Variants in KIF26B observed in about 807,000 individuals in gnomAD.
KIF26B encodes the protein kinesin family member 26B.
In KIF26B, 63 loss-of-function variants were observed where a neutral mutation model predicts 151.2. The observed-to-expected ratio is 0.42, with a 90% CI of 0.34 to 0.51. The LOEUF (loss-of-function observed/expected upper bound fraction) is 0.51. KIF26B is among the 20% of genes least tolerant of loss of function. The probability of loss-of-function intolerance (pLI) is 0.07; values close to 1 mark genes in which losing one functional copy is unlikely to be tolerated. For synonymous variants in KIF26B, 1,357 were observed against 1,262.1 expected, an observed-to-expected ratio of 1.08 and a Z score of -1.59; for missense variants, 2,813 against 2,913.6, an observed-to-expected ratio of 0.97 and a Z score of 0.79.
intron 4 of KIF26B, among the ~76,000 whole-genome samples, chr1:245,511,400 TGAA>T (rs1660834853): frequency 6.6e-6 from 1 of 152,162 alleles, no homozygotes; most frequent in African/African-American, 2.4e-5. Flanking sequence ...GGGTAATAAA[TGAA>T]GAAGGTTTCT....
At chr1:245,193,868 A>T (rs548761708) in intron 2 of KIF26B, among the ~76,000 whole-genome samples, 28 of 152,362 alleles carry the variant, frequency 1.8e-4, no homozygotes, top group Admixed American at 5.9e-4. Flanking sequence ...AACAACTGGC[A>T]AATCAATGGC....
At chr1:245,335,658 G>A (rs1005856048) in intron 2 of KIF26B, among the ~76,000 whole-genome samples, 1 of 150,324 alleles carries the variant, frequency 6.7e-6, no homozygotes, top group Non-Finnish European at 1.5e-5. Flanking sequence ...GGGGAAAGGG[G>A]GGTCCCACGC....
intron 4 of KIF26B, among the ~76,000 whole-genome samples, chr1:245,466,070 A>G (rs767042823): frequency 1.6e-4 from 24 of 152,270 alleles, no homozygotes; most frequent in Non-Finnish European, 2.9e-4. Flanking sequence ...CCTGCTGCTC[A>G]GAAAAATGCC....
intron 2 of KIF26B, among the ~76,000 whole-genome samples, chr1:245,336,426 G>A (rs933131290): frequency 6.6e-6 from 1 of 152,234 alleles, no homozygotes; most frequent in African/African-American, 2.4e-5. Context: ...CCGACTGGCG[G>A]CTGCGTGGTG....
chr1:245,184,997 G>C (rs1452743082), intron 2 of KIF26B, among the ~76,000 whole-genome samples: 2 of 152,214 alleles, frequency 1.3e-5, no homozygotes, highest in African/African-American at 2.4e-5. Context: ...GGGGATTCCA[G>C]ATTGGAATCC....
At chr1:245,622,688 G>A (rs1260475887) in intron 9 of KIF26B, among the ~76,000 whole-genome samples, 1 of 152,152 alleles carries the variant, frequency 6.6e-6, no homozygotes, top group East Asian at 1.9e-4. Context: ...GTAGGGAAAG[G>A]CAGAGGGAAG....
chr1:245,685,983 G>A lies in KIF26B; in HGVS notation c.3000G>A (p.Lys1000=). Residue 1000 remains lysine, a synonymous_variant, in exon 12 of 15, where the codon AAG becomes AAA. Transcript: ENST00000407071. Reference sequence around the variant, plus strand: ...AAGGCCCTGAACTCCCAGCCTCCAAGATGCAGAGGAGTCACTCACCTGTGC... The same window carrying A: ...AAGGCCCTGAACTCCCAGCCTCCAAAATGCAGAGGAGTCACTCACCTGTGC... ...NREGPELPAS[K]MQRSHSPVPA... 2.5e-6 allele frequency: 4 copies of A among 1,597,368 alleles called. No homozygotes were observed. The highest frequency in any genetic ancestry group is 3.4e-6 in the Non-Finnish European group (4 of 1,172,506).
intron 5 of KIF26B, among the ~76,000 whole-genome samples, chr1:245,570,921 T>C (rs896087088): frequency 6.6e-6 from 1 of 152,230 alleles, no homozygotes; most frequent in South Asian, 2.1e-4. Flanking sequence ...TCTGATTCTG[T>C]GTTCACATTG....
intron 2 of KIF26B, among the ~76,000 whole-genome samples, chr1:245,270,187 CCTT>C (rs1558369341): frequency 7.9e-6 from 1 of 126,620 alleles, no homozygotes; most frequent in Non-Finnish European, 1.7e-5. Context: ...CCCTTCCATT[CCTT>C]CTTCTTTTCC....
At chr1:245,557,844 T>C (rs1476769801) in intron 5 of KIF26B, among the ~76,000 whole-genome samples, 1 of 151,412 alleles carries the variant, frequency 6.6e-6, no homozygotes, top group Non-Finnish European at 1.5e-5. Context: ...GGTAAGGCAT[T>C]TAGTCAACAG....
chr1:245,538,293 T>C (rs1661529441), intron 4 of KIF26B, among the ~76,000 whole-genome samples: 1 of 152,130 alleles, frequency 6.6e-6, no homozygotes, highest in Admixed American at 6.5e-5. Flanking sequence ...CCCTGAGTTT[T>C]GCGGCCAAGA....
chr1:245,584,575 T>C (rs144785867), intron 5 of KIF26B, among the ~76,000 whole-genome samples: 115 of 152,352 alleles, frequency 7.5e-4, no homozygotes, highest in Middle Eastern at 6.8e-3. Flanking sequence ...ATTACTGGTT[T>C]CCTTTAATTT....
chr1:245,182,527 T>C (rs1253611376), intron 2 of KIF26B, among the ~76,000 whole-genome samples: 3 of 152,262 alleles, frequency 2.0e-5, no homozygotes, highest in Non-Finnish European at 4.4e-5. Context: ...AATAATGCTG[T>C]TATGAACATT....
At chr1:245,689,368 C>G (rs188107969) in intron 12 of KIF26B, among the ~76,000 whole-genome samples, 1 of 152,290 alleles carries the variant, frequency 6.6e-6, no homozygotes, top group Non-Finnish European at 1.5e-5. Flanking sequence ...CCCTGGCAGC[C>G]TCTCTCAGGG....
At chr1:245,623,539 T>C (rs2043687996) in intron 9 of KIF26B, among the ~76,000 whole-genome samples, 1 of 152,184 alleles carries the variant, frequency 6.6e-6, no homozygotes, top group Admixed American at 6.5e-5. Flanking sequence ...CAAATAAAAG[T>C]ACTAAAGGTT....
intron 3 of KIF26B, among the ~76,000 whole-genome samples, chr1:245,400,227 A>G (rs1673961895): frequency 6.6e-6 from 1 of 152,206 alleles, no homozygotes; most frequent in East Asian, 1.9e-4. Context: ...AGGCTGGTAG[A>G]TGGTCAGACT....
chr1:245,297,793 G>A (rs1267230439), intron 2 of KIF26B, among the ~76,000 whole-genome samples: 1 of 152,186 alleles, frequency 6.6e-6, no homozygotes, highest in Non-Finnish European at 1.5e-5. Context: ...CCATAGCCTC[G>A]TGGCTTGGAG....
At chr1:245,670,191 C>T (rs2044265792) in intron 10 of KIF26B, among the ~76,000 whole-genome samples, 1 of 148,906 alleles carries the variant, frequency 6.7e-6, no homozygotes, top group African/African-American at 2.5e-5. Flanking sequence ...TTTAATAAAC[C>T]TGGGCATGAA....
chr1:245,402,831 G>A (rs1419341969), intron 3 of KIF26B, among the ~76,000 whole-genome samples: 2 of 152,180 alleles, frequency 1.3e-5, no homozygotes, highest in Non-Finnish European at 1.5e-5. Context: ...AGGGGCTATA[G>A]TGGTTTAGAT....
Sources: allele counts gnomAD v4.1 joint callset (sites outside exome capture counted in the v4.1 genomes callset), GRCh38; gene constraint gnomAD v4.1.1; transcripts MANE v1.5; gene names NCBI Gene and HGNC (gene_info 2026-07-23, HGNC 2026-07-21).